CSMD1: variants seen among roughly 807,000 people sequenced by gnomAD.
CSMD1 encodes CUB and sushi domain-containing protein 1.
In CSMD1, 213 loss-of-function variants were observed where a neutral mutation model predicts 417.5. The observed-to-expected ratio is 0.51, with a 90% CI of 0.46 to 0.57. The LOEUF (loss-of-function observed/expected upper bound fraction) is 0.57. CSMD1 is among the 20% of genes least tolerant of loss of function. The pLI, the probability that CSMD1 is intolerant of heterozygous loss-of-function variation, is 0.00. For synonymous variants in CSMD1, 2,862 were observed against 1,736.8 expected (o/e 1.65, Z -16.11); for missense variants, 6,923 against 4,529.7 (o/e 1.53, Z -15.17).
chr8:3,162,007 G>A (rs1392103265), intron 38 of CSMD1, among the ~76,000 whole-genome samples, 152 bp downstream of exon 38: 3 of 152,186 alleles, frequency 2.0e-5, no homozygotes, highest in African/African-American at 4.8e-5. Flanking sequence ...AAATGGTGAC[G>A]AAGATGACCA....
intron 2 of CSMD1, among the ~76,000 whole-genome samples, chr8:4,470,252 T>A (rs922783920): frequency 4.6e-5 from 7 of 152,142 alleles, no homozygotes; most frequent in Non-Finnish European, 2.9e-5. Flanking sequence ...CCATTTCCCA[T>A]CAGGGGCTCC....
chr8:4,663,305 G>A (rs369234195), intron 1 of CSMD1, among the ~76,000 whole-genome samples: 150 of 152,286 alleles, frequency 9.8e-4, no homozygotes, highest in African/African-American at 3.6e-3. Context: ...ATTGGACAAA[G>A]CCCATCTTTT....
At chr8:4,628,597 G>T (rs566416530) in intron 2 of CSMD1, among the ~76,000 whole-genome samples, 3 of 97,478 alleles carry the variant, frequency 3.1e-5, no homozygotes, top group Non-Finnish European at 6.8e-5. Flanking sequence ...AACACACACA[G>T]GAAAAAGAAA....
rs148339705 is a variant in CSMD1 at position 3,368,724 on chromosome 8, T to G, written c.2899+530A>C. Reference sequence around the variant, plus strand: ...TAATCCCAGTGTTTATAATCTACATTTCCTGCACAAAATGCAAAATATCCT... The same window carrying G: ...TAATCCCAGTGTTTATAATCTACATGTCCTGCACAAAATGCAAAATATCCT... On this transcript the variant is annotated intron_variant, in intron 19 of 69. Coordinates refer to ENST00000635120, the MANE Select transcript of CSMD1 (RefSeq NM_033225.6). 6.0e-4 allele frequency among the ~76,000 whole-genome samples: 92 copies of G among 152,320 alleles called. No individual in the cohort carries two copies. The East Asian group carries it at 0.012, about 20-fold the overall frequency.
chr8:4,119,998 A>C (rs1335382301), intron 3 of CSMD1, among the ~76,000 whole-genome samples: 1 of 152,154 alleles, frequency 6.6e-6, no homozygotes, highest in Non-Finnish European at 1.5e-5. Flanking sequence ...ATTTGATAGC[A>C]CAATAGGGTG....
intron 49 of CSMD1, among the ~76,000 whole-genome samples, chr8:3,059,567 C>G (rs550466380): frequency 6.6e-6 from 1 of 152,066 alleles, no homozygotes; most frequent in African/African-American, 2.4e-5. Flanking sequence ...ATAGGAGGCA[C>G]GTCAGGACAC....
At chr8:4,600,886 T>C (rs1800543917) in intron 2 of CSMD1, among the ~76,000 whole-genome samples, 1 of 152,128 alleles carries the variant, frequency 6.6e-6, no homozygotes, top group African/African-American at 2.4e-5. Flanking sequence ...TTATACAGAC[T>C]GTTGAGGAAG....
At chr8:4,074,524 G>A (rs921225691) in intron 3 of CSMD1, among the ~76,000 whole-genome samples, 1 of 152,020 alleles carries the variant, frequency 6.6e-6, no homozygotes, top group South Asian at 2.1e-4. Flanking sequence ...CATGATATTT[G>A]AGAACATGAG....
intron 3 of CSMD1, among the ~76,000 whole-genome samples, chr8:4,375,430 C>A (rs148139950): frequency 9.9e-5 from 15 of 152,216 alleles, no homozygotes; most frequent in African/African-American, 3.6e-4. Flanking sequence ...TCTTGTACTA[C>A]CCCAGGAAAC....
chr8:4,900,561 T>C (rs561105285), intron 1 of CSMD1, among the ~76,000 whole-genome samples: 135 of 152,262 alleles, frequency 8.9e-4, no homozygotes, highest in Non-Finnish European at 1.7e-3. Context: ...TGCATGCTTC[T>C]CCCAGTGCCA....
intron 5 of CSMD1, among the ~76,000 whole-genome samples, chr8:3,933,799 C>A (rs1226805448): frequency 6.6e-6 from 1 of 152,100 alleles, no homozygotes. Flanking sequence ...TTTTATAATT[C>A]AGATCTTGCA....
chr8:4,041,976 G>A (rs1483333426), intron 3 of CSMD1, among the ~76,000 whole-genome samples: 3 of 151,952 alleles, frequency 2.0e-5, no homozygotes, highest in Non-Finnish European at 4.4e-5. Flanking sequence ...AAAGAAAAAA[G>A]AAAGATTTCC....
At chr8:4,302,307 C>T (rs1031054404) in intron 3 of CSMD1, among the ~76,000 whole-genome samples, 1 of 152,126 alleles carries the variant, frequency 6.6e-6, no homozygotes, top group Non-Finnish European at 1.5e-5. Context: ...TTCCTTAACT[C>T]ATTAGCTAAT....
intron 28 of CSMD1, among the ~76,000 whole-genome samples, chr8:3,223,254 T>G (rs1219902898): frequency 1.3e-5 from 2 of 152,172 alleles, no homozygotes; most frequent in African/African-American, 4.8e-5. Context: ...AACTCAGACT[T>G]TACAGCAACC....
chr8:3,342,487 T>G (rs1333201958), intron 23 of CSMD1, among the ~76,000 whole-genome samples: 1 of 152,240 alleles, frequency 6.6e-6, no homozygotes. Flanking sequence ...ACATTTTAAT[T>G]AATTAGTTAA....
At chr8:3,180,556 T>C (rs1821258875) in intron 37 of CSMD1, among the ~76,000 whole-genome samples, 1 of 152,232 alleles carries the variant, frequency 6.6e-6, no homozygotes, top group Admixed American at 6.5e-5. Context: ...CCTGAAATTA[T>C]AGCAGTTATA....
At chr8:3,941,233 T>C (rs556542177) in intron 5 of CSMD1, among the ~76,000 whole-genome samples, 1 of 152,024 alleles carries the variant, frequency 6.6e-6, no homozygotes, top group Admixed American at 6.6e-5. Flanking sequence ...CTAGCAAATG[T>C]ATTAATTAAA....
At chr8:3,036,733 T>G (rs1810701472) in intron 50 of CSMD1, among the ~76,000 whole-genome samples, 1 of 152,182 alleles carries the variant, frequency 6.6e-6, no homozygotes, top group African/African-American at 2.4e-5. Flanking sequence ...TAAATGTGTT[T>G]CATACCATCG....
chr8:4,490,431 T>C (rs184399384), intron 2 of CSMD1, among the ~76,000 whole-genome samples: 4 of 152,358 alleles, frequency 2.6e-5, no homozygotes, highest in Admixed American at 6.5e-5. Context: ...CTATCTACTA[T>C]TGGTTTTAAC....
Sources: gnomAD v4.1 joint callset for allele counts (sites outside exome capture counted in the v4.1 genomes callset) on GRCh38, gnomAD v4.1.1 for gene constraint, MANE v1.5 for transcripts, NCBI Gene and HGNC (gene_info 2026-07-23, HGNC 2026-07-21) for gene names.